The following SMYD3 variants were observed in gnomAD, a reference collection of about 807,000 sequenced individuals.
SMYD3 encodes SET and MYND domain containing 3, also known as histone-lysine N-methyltransferase SMYD3.
SMYD3 carries 36 observed loss-of-function variants against 57.7 expected under a neutral mutation model. The observed-to-expected ratio is 0.62, with a 90% confidence interval of 0.48 to 0.82. The LOEUF is 0.82. SMYD3 is among the 40% of genes least tolerant of loss of function. The pLI, the probability that SMYD3 is intolerant of heterozygous loss-of-function variation, is 0.00. For synonymous variants in SMYD3, 211 were observed against 195.0 expected, an observed-to-expected ratio of 1.08 and a Z score of -0.68; for missense variants, 515 against 538.8, an observed-to-expected ratio of 0.96 and a Z score of 0.44.
chr1:246,300,337 C>T (rs1468467149), intron 5 of SMYD3, among the ~76,000 whole-genome samples: 4 of 152,018 alleles, frequency 2.6e-5, no homozygotes, highest in African/African-American at 9.7e-5. Context: ...TAGACAATGG[C>T]TTTTGTTGTG....
At chr1:246,038,755 C>T (rs1298784398) in intron 5 of SMYD3, among the ~76,000 whole-genome samples, 1 of 152,148 alleles carries the variant, frequency 6.6e-6, no homozygotes, top group Non-Finnish European at 1.5e-5. Flanking sequence ...CCACTTCATA[C>T]TCATTCTTCT....
intron 5 of SMYD3, among the ~76,000 whole-genome samples, chr1:246,084,504 C>T (rs1230976289): frequency 6.6e-6 from 1 of 152,078 alleles, no homozygotes; most frequent in Non-Finnish European, 1.5e-5. Flanking sequence ...GCCACTGCAC[C>T]CAGCCCAATT....
intron 5 of SMYD3, among the ~76,000 whole-genome samples, chr1:246,043,431 G>A (rs559029120): frequency 9.8e-5 from 15 of 152,328 alleles, no homozygotes; most frequent in African/African-American, 2.4e-4. Context: ...TGCCCATATT[G>A]AAACTATATC....
chr1:245,805,547 A>G (rs2048108586), intron 10 of SMYD3, among the ~76,000 whole-genome samples: 1 of 152,238 alleles, frequency 6.6e-6, no homozygotes, highest in African/African-American at 2.4e-5. Context: ...GTCTTCCTGC[A>G]TAAATTCTGC....
At chr1:246,506,960 A>T in intron 1 of SMYD3, 94 bp downstream of exon 1, 1 of 1,189,186 alleles carries the variant, frequency 8.4e-7, no homozygotes, top group Non-Finnish European at 1.1e-6. Context: ...CCCATCCAGC[A>T]GGAGTCCCGC....
chr1:245,830,824 A>T (rs1018110297), intron 10 of SMYD3, among the ~76,000 whole-genome samples: 1 of 152,116 alleles, frequency 6.6e-6, no homozygotes, highest in African/African-American at 2.4e-5. Flanking sequence ...ACCAGAAGAG[A>T]CAGGTATTTC....
rs1378366278 is a variant in SMYD3 at position 245,993,578 on chromosome 1, AAAGATAGAT to A, written c.532-63650_532-63642del. 2.9e-4 allele frequency among the ~76,000 whole-genome samples: 7 copies of A among 24,184 alleles called. No homozygotes were observed. In the South Asian group the frequency reaches 8.6e-3, roughly 30 times the overall value. 15.9% of individuals were successfully genotyped at this position (24,184 alleles called of 152,430 possible). A position where few individuals can be genotyped will look rare whatever the true frequency, so the allele number is the denominator to read the frequency against. On this transcript the variant is annotated intron_variant, in intron 5 of 11. Coordinates refer to ENST00000490107, the MANE Select transcript of SMYD3 (RefSeq NM_001167740.2). Reference sequence around the variant, plus strand: ...AGCAAGACGTTGTCTCAAAAAAAAAAAAGATAGATAGATAGATAGATAGATAGATAGATA... The same window carrying A: ...AGCAAGACGTTGTCTCAAAAAAAAAAAGATAGATAGATAGATAGATAGATA...
intron 5 of SMYD3, among the ~76,000 whole-genome samples, chr1:246,098,826 TCA>T (rs2060960541): frequency 1.6e-5 from 2 of 124,582 alleles, no homozygotes; most frequent in African/African-American, 5.1e-5. Flanking sequence ...GTATATACAC[TCA>T]CACACACACA....
chr1:246,254,401 C>T (rs2063845808), intron 5 of SMYD3, among the ~76,000 whole-genome samples: 1 of 152,140 alleles, frequency 6.6e-6, no homozygotes, highest in South Asian at 2.1e-4. Context: ...GAGTCCTTTC[C>T]TCATTGCTTA....
At chr1:246,295,182 C>T (rs144084135) in intron 5 of SMYD3, among the ~76,000 whole-genome samples, 1 of 152,148 alleles carries the variant, frequency 6.6e-6, no homozygotes, top group East Asian at 1.9e-4. Flanking sequence ...AAGCAATCTC[C>T]CCAAGCCCAC....
At chr1:245,941,122 G>C (rs1445309681) in intron 5 of SMYD3, among the ~76,000 whole-genome samples, 1 of 152,096 alleles carries the variant, frequency 6.6e-6, no homozygotes, top group Non-Finnish European at 1.5e-5. Flanking sequence ...AGAGAAAAAA[G>C]AATGAAAAGG....
intron 5 of SMYD3, chr1:246,109,857 A>G (rs147091576): frequency 5.0e-4 from 76 of 152,352 alleles, no homozygotes; most frequent in African/African-American, 1.3e-3. Flanking sequence ...ATCTGGGAAC[A>G]AGGAGGAAGA....
At chr1:245,937,279 A>C (rs1009153576) in intron 5 of SMYD3, among the ~76,000 whole-genome samples, 3 of 152,228 alleles carry the variant, frequency 2.0e-5, no homozygotes, top group Non-Finnish European at 4.4e-5. Flanking sequence ...TTTCTATTTT[A>C]TCTCTCTCCC....
At chr1:246,313,772 T>G (rs1405405728) in intron 5 of SMYD3, among the ~76,000 whole-genome samples, 1 of 152,222 alleles carries the variant, frequency 6.6e-6, no homozygotes, top group Non-Finnish European at 1.5e-5. Flanking sequence ...GAGGTGTTAA[T>G]AAGGCCAAAG....
chr1:245,926,668 ACTTT>A (rs1457998343), intron 7 of SMYD3, among the ~76,000 whole-genome samples: 1 of 152,118 alleles, frequency 6.6e-6, no homozygotes, highest in Non-Finnish European at 1.5e-5. Context: ...AATAGAAGAA[ACTTT>A]CTTTGTTGTT....
chr1:246,405,003 G>C (rs1045514764), intron 1 of SMYD3, among the ~76,000 whole-genome samples: 3 of 152,134 alleles, frequency 2.0e-5, no homozygotes, highest in African/African-American at 7.2e-5. Flanking sequence ...TCAGGCTGAA[G>C]TGCAATAGTG....
chr1:246,022,348 A>G (rs1172682508), intron 5 of SMYD3, among the ~76,000 whole-genome samples: 1 of 152,206 alleles, frequency 6.6e-6, no homozygotes, highest in Non-Finnish European at 1.5e-5. Flanking sequence ...AATGAGGGCC[A>G]ATGTCTATCA....
At chr1:245,858,693 A>C in intron 9 of SMYD3, 23 bp from the exon 10 acceptor site, 1 of 1,601,480 alleles carries the variant, frequency 6.2e-7, no homozygotes, top group Non-Finnish European at 8.5e-7. Context: ...TTAGTTAAGG[A>C]TTCATTGTCT....
intron 10 of SMYD3, among the ~76,000 whole-genome samples, chr1:245,765,730 G>A (rs939036380): frequency 3.3e-5 from 5 of 152,086 alleles, no homozygotes; most frequent in African/African-American, 1.2e-4. Context: ...ACGAGCAAGG[G>A]CACACTCTAA....
Sources: allele counts gnomAD v4.1 joint callset (sites outside exome capture counted in the v4.1 genomes callset), GRCh38; gene constraint gnomAD v4.1.1; transcripts MANE v1.5; gene names NCBI Gene and HGNC (gene_info 2026-07-23, HGNC 2026-07-21).